Variants in NRXN3 observed in about 807,000 individuals in gnomAD.
The protein encoded by NRXN3 is neurexin III.
In NRXN3, 32 loss-of-function variants were observed where a neutral mutation model predicts 137.6. The observed-to-expected ratio is 0.23, with a 90% CI of 0.18 to 0.31. The LOEUF is 0.31. NRXN3 is among the 10% of genes least tolerant of loss of function. NRXN3 has a pLI of 1.00. For synonymous variants in NRXN3, 798 were observed against 784.5 expected, an observed-to-expected ratio of 1.02 and a Z score of -0.29; for missense variants, 1,574 against 2,062.5, an observed-to-expected ratio of 0.76 and a Z score of 4.59.
intron 15 of NRXN3, among the ~76,000 whole-genome samples, chr14:79,077,526 A>G (rs2046182385): frequency 6.6e-6 from 1 of 152,200 alleles, no homozygotes; most frequent in Non-Finnish European, 1.5e-5. Flanking sequence ...AAAGATATGT[A>G]CTAGGCTTCT....
intron 15 of NRXN3, among the ~76,000 whole-genome samples, chr14:79,078,213 C>T (rs1213835384): frequency 1.3e-5 from 2 of 152,066 alleles, no homozygotes; most frequent in Non-Finnish European, 2.9e-5. Flanking sequence ...TTTCAACCAG[C>T]CATAAAGGTC....
intron 10 of NRXN3, among the ~76,000 whole-genome samples, chr14:78,903,170 A>T (rs1447745583): frequency 1.2e-5 from 1 of 86,282 alleles, no homozygotes; most frequent in Non-Finnish European, 2.1e-5. Context: ...TTTTTCTGAG[A>T]CAGAGTCTTG....
chr14:78,791,988 A>T (rs1016153508), intron 8 of NRXN3, among the ~76,000 whole-genome samples: 1 of 152,144 alleles, frequency 6.6e-6, no homozygotes, highest in Admixed American at 6.6e-5. Context: ...GAGATGCCTG[A>T]GTGTAAGCAA....
chr14:79,238,773 G>C (rs1010709960), intron 15 of NRXN3, among the ~76,000 whole-genome samples: 3 of 152,040 alleles, frequency 2.0e-5, no homozygotes, highest in African/African-American at 7.2e-5. Flanking sequence ...TATTCATGTT[G>C]TGTTTCCATT....
chr14:78,314,880 T>TCCTTC (rs1567234085), intron 4 of NRXN3, among the ~76,000 whole-genome samples: 25 of 87,244 alleles, frequency 2.9e-4, no homozygotes, highest in Middle Eastern at 0.011. Context: ...TCTTTTCCGT[T>TCCTTC]CTTTCTTTCT....
rs1190530772 is a variant in NRXN3 at position 79,133,937 on chromosome 14, G to GAA, written c.3262+145809_3262+145810dup. Among the ~76,000 whole-genome samples the GAA allele has an allele frequency of 1.7e-3, 73 of 42,408 alleles. 1 individual carries two copies. Among genetic ancestry groups the GAA allele is most frequent in the African/African-American group, 5.3e-3 (63 of 11,806 alleles). The allele number at this position is 42,408 out of a possible 152,430, so 27.8% of individuals were successfully genotyped here. ...GAGCAAGATTCCATCTCAAAAAAAAGAAAAAAAAAAAAAAGGAAAGAAAAA... is the reference window on the plus strand; with the variant it reads ...GAGCAAGATTCCATCTCAAAAAAAAGAAAAAAAAAAAAAAAAGGAAAGAAAAA... On this transcript the variant is annotated intron_variant, in intron 15 of 20. Transcript: ENST00000335750.
intron 4 of NRXN3, among the ~76,000 whole-genome samples, chr14:78,472,916 C>CTTTTTTTTTTTTTTTTTTTTTTTTTTTT (rs11407621): frequency 7.1e-6 from 1 of 140,406 alleles, no homozygotes. Flanking sequence ...GAGAAAATGT[C>CTTTTTTTTTTTTTTTTTTTTTTTTTTTT]TTTTTTTTTT....
At chr14:78,550,517 A>G (rs913035837) in intron 4 of NRXN3, among the ~76,000 whole-genome samples, 18 of 133,358 alleles carry the variant, frequency 1.3e-4, no homozygotes, top group African/African-American at 5.0e-4. Flanking sequence ...GTGTTTTAAA[A>G]GAAAATCTGA....
chr14:79,591,104 T>C (rs889562192), intron 16 of NRXN3, among the ~76,000 whole-genome samples: 1 of 152,208 alleles, frequency 6.6e-6, no homozygotes, highest in Non-Finnish European at 1.5e-5. Flanking sequence ...TCTTGTACTG[T>C]CAACCAACAA....
chr14:78,853,679 G>A (rs1456889683), intron 10 of NRXN3, among the ~76,000 whole-genome samples: 1 of 152,010 alleles, frequency 6.6e-6, no homozygotes, highest in Non-Finnish European at 1.5e-5. Flanking sequence ...TCTAGAATTT[G>A]GCAATACTAT....
intron 16 of NRXN3, among the ~76,000 whole-genome samples, chr14:79,622,697 A>G (rs1436384897): frequency 1.3e-5 from 2 of 152,102 alleles, no homozygotes; most frequent in African/African-American, 2.4e-5. Context: ...CCCAGGTTCA[A>G]GGGATTCTCC....
chr14:79,317,062 C>G (rs111831088), intron 15 of NRXN3, among the ~76,000 whole-genome samples: 1 of 152,046 alleles, frequency 6.6e-6, no homozygotes, highest in Non-Finnish European at 1.5e-5. Context: ...GAAACCCTGT[C>G]TTTACTAAAA....
rs73326727 is a variant in NRXN3, at chr14:79,155,167, C to T, written c.3262+167026C>T. Among the ~76,000 whole-genome samples the T allele has an allele frequency of 9.1e-3, 1,391 of 152,022 alleles. 12 individuals carry two copies. The highest frequency in any genetic ancestry group is 0.028 in the African/African-American group (1,169 of 41,510). On this transcript the variant is annotated intron_variant, in intron 15 of 20. Transcript: ENST00000335750. ...CTTCCTTCATCAATGGTGGAGCATC[C>T]TCCTGAAGCTGGAGAAGAGAAATAT...
At chr14:78,397,396 A>G (rs1426647421) in intron 4 of NRXN3, among the ~76,000 whole-genome samples, 1 of 149,732 alleles carries the variant, frequency 6.7e-6, no homozygotes, top group African/African-American at 2.5e-5. Context: ...TCTATCTTCC[A>G]ATTAATTGAT....
chr14:78,846,951 C>T (rs113292956), intron 10 of NRXN3, among the ~76,000 whole-genome samples: 1,907 of 152,170 alleles, frequency 0.013, 22 homozygotes, highest in Admixed American at 0.019. Context: ...CTATTGCATG[C>T]GGACTTGAAT....
intron 6 of NRXN3, among the ~76,000 whole-genome samples, chr14:78,705,285 A>T (rs7143852): frequency 0.3 from 45,637 of 152,182 alleles, 8,830 homozygotes; most frequent in African/African-American, 0.55. Context: ...TTTTACAGAG[A>T]ACATTGTACC....
At chr14:79,015,060 C>T (rs942290726) in intron 15 of NRXN3, among the ~76,000 whole-genome samples, 6 of 152,080 alleles carry the variant, frequency 3.9e-5, no homozygotes, top group African/African-American at 1.4e-4. Context: ...GTGCGCCTGT[C>T]TTCGCAATGT....
intron 4 of NRXN3, among the ~76,000 whole-genome samples, chr14:78,496,444 T>G (rs2095787094): frequency 6.6e-6 from 1 of 152,200 alleles, no homozygotes. Context: ...ATTAGATGAT[T>G]TTCTTTTCTT....
At chr14:78,813,337 A>G (rs1201713877) in intron 10 of NRXN3, among the ~76,000 whole-genome samples, 1 of 152,124 alleles carries the variant, frequency 6.6e-6, no homozygotes, top group African/African-American at 2.4e-5. Flanking sequence ...GACCTGTTAC[A>G]GGATCTCACA....
Sources: gnomAD v4.1 joint callset for allele counts (sites outside exome capture counted in the v4.1 genomes callset) on GRCh38, gnomAD v4.1.1 for gene constraint, MANE v1.5 for transcripts, NCBI Gene and HGNC (gene_info 2026-07-23, HGNC 2026-07-21) for gene names.